The following DCAF8 variants were observed in gnomAD, a reference collection of about 807,000 sequenced individuals.
DCAF8 encodes the protein DDB1- and CUL4-associated factor 8.
A neutral mutation model predicts 68.0 loss-of-function variants in DCAF8; 20 were observed. The observed-to-expected ratio is 0.29, with a 90% CI of 0.21 to 0.43. The LOEUF (loss-of-function observed/expected upper bound fraction) is 0.43, where lower values mean the gene tolerates loss of function less well. Ranked by LOEUF, DCAF8 falls within the 20% of genes least tolerant of loss-of-function variation. The pLI, the probability that DCAF8 is intolerant of heterozygous loss-of-function variation, is 1.00. For missense variants in DCAF8, 460 were observed against 771.0 expected (o/e 0.60, Z 4.78); for synonymous variants, 230 against 276.9 (o/e 0.83, Z 1.68).
chr1:160,259,409 TGTAATCCCAGCTACTCGGGAGGTTGA>T (rs1656967942), intron 2 of DCAF8, among the ~76,000 whole-genome samples: 1 of 152,120 alleles, frequency 6.6e-6, no homozygotes, highest in Non-Finnish European at 1.5e-5. Context: ...GGCGCATGCC[TGTAATCCCAGCTACTCGGGAGGTTGA>T]GGCAGGAGAA....
At chr1:160,231,488 C>T (rs762424411) in intron 6 of DCAF8, 81 bp from the exon 7 acceptor site, 2 of 949,660 alleles carry the variant, frequency 2.1e-6, no homozygotes, top group Non-Finnish European at 3.3e-6. Flanking sequence ...AAGAGAGTCA[C>T]ATGGCTAATA....
intron 2 of DCAF8, among the ~76,000 whole-genome samples, chr1:160,244,806 G>A (rs1656255916): frequency 6.6e-6 from 1 of 151,928 alleles, no homozygotes; most frequent in African/African-American, 2.4e-5. Context: ...GTAGAGATGG[G>A]GTTTCACTGT....
At chr1:160,243,926 T>G (rs1382768629) in intron 3 of DCAF8, 34 bp downstream of exon 3, 2 of 1,611,320 alleles carry the variant, frequency 1.2e-6, no homozygotes, top group Non-Finnish European at 8.5e-7. Context: ...CAGTTGATAG[T>G]AAAAATAGCT....
chr1:160,246,253 G>A (rs1160731023), intron 2 of DCAF8, among the ~76,000 whole-genome samples: 1 of 152,214 alleles, frequency 6.6e-6, no homozygotes, highest in African/African-American at 2.4e-5. Context: ...TTTACCATAC[G>A]TTTCACCCCA....
rs566322894 is a variant in DCAF8 at position 160,244,864 on chromosome 1, C to G, written c.-26-830G>C. Among the ~76,000 whole-genome samples, 7 of 152,296 alleles carry G rather than the reference C, an allele frequency of 4.6e-5. No homozygotes were observed. In the East Asian group the frequency reaches 1.4e-3, roughly 29 times the overall value. Reference sequence around the variant, plus strand: ...TCCCGAGTGATCCGCCCGCCTCGGCCTCCCAAAGTGCTGGGATTACAGGCA... The same window carrying G: ...TCCCGAGTGATCCGCCCGCCTCGGCGTCCCAAAGTGCTGGGATTACAGGCA... On this transcript the variant is annotated intron_variant, in intron 2 of 13. Transcript: ENST00000368074.
At chr1:160,229,551 C>T (rs1655598188) in intron 7 of DCAF8, among the ~76,000 whole-genome samples, 1 of 152,178 alleles carries the variant, frequency 6.6e-6, no homozygotes, top group Non-Finnish European at 1.5e-5. Flanking sequence ...CATTCCCCTC[C>T]AAACATCTTG....
At chr1:160,239,201 C>A in intron 4 of DCAF8, 1 of 1,077,018 alleles carries the variant, frequency 9.3e-7, no homozygotes. Flanking sequence ...AAAATCTTTC[C>A]AGAATAACAA....
intron 7 of DCAF8, among the ~76,000 whole-genome samples, chr1:160,230,894 C>T (rs1029500815): frequency 2.0e-5 from 3 of 151,920 alleles, no homozygotes; most frequent in East Asian, 1.9e-4. Context: ...TGGGACTACA[C>T]GCATGTACCA....
rs200941524 is a variant in DCAF8, at chr1:160,218,897, G to A, written c.1512C>T (p.Ile504=). The change falls in exon 12 of 14, where the codon ATC becomes ATT. Residue 504 remains isoleucine (I), a synonymous_variant. Transcript: ENST00000368074. The part of the protein sequence containing the change: ...ATSGLDHDVK[I]WAPTAEASTE... ...TGGAAGCTTCAGCTGTGGGTGCCCA[G>A]ATCTTCACATCATGGTCTAGGCCAC... 1 of 1,614,118 alleles carries A rather than the reference G, an allele frequency of 6.2e-7. No homozygotes were observed. Among genetic ancestry groups the A allele is most frequent in the Admixed American group, 1.7e-5 (1 of 60,016 alleles).
In DCAF8 at chr1:160,232,236, C is replaced by T. The variant is rs979325537; in HGVS notation, c.960-829G>A. 4.6e-5 allele frequency among the ~76,000 whole-genome samples: 7 copies of T among 151,570 alleles called. No homozygotes were observed. The East Asian group carries it at 1.2e-3, about 25-fold the overall frequency. On this transcript the variant is annotated intron_variant, in intron 6 of 13. Transcript: ENST00000368074. Reference sequence around the variant, plus strand: ...AAAAAAAAAGTCACTTAAAACCCAACTTAAGCCAGGCACTGGCTCATGCCT... The same window carrying T: ...AAAAAAAAAGTCACTTAAAACCCAATTTAAGCCAGGCACTGGCTCATGCCT...
chr1:160,229,058 G>A (rs182627970), intron 7 of DCAF8, among the ~76,000 whole-genome samples: 4 of 152,184 alleles, frequency 2.6e-5, no homozygotes, highest in Admixed American at 6.5e-5. Flanking sequence ...CCAGCACTTT[G>A]AGAGGCCGAG....
chr1:160,248,303 T>C (rs1373970507), intron 2 of DCAF8, among the ~76,000 whole-genome samples: 1 of 146,866 alleles, frequency 6.8e-6, no homozygotes, highest in African/African-American at 2.5e-5. Context: ...AGAGACTCCA[T>C]CTAGAAAAAA....
rs752937031 is a variant in DCAF8 at position 160,218,451 on chromosome 1, A to G, written c.1561-11T>C. 19 of 1,610,558 alleles carry G rather than the reference A, an allele frequency of 1.2e-5. No individual in the cohort carries two copies. The highest frequency in any genetic ancestry group is 1.7e-5 in the Admixed American group (1 of 59,986). The stretch of plus-strand genomic sequence containing the variant: ...GTTCTTCTTAATCACCTGGAACCCA[A>G]AAAGGTTGGGAAGAGGGGGCAGCAA... On this transcript the variant is annotated splice_polypyrimidine_tract_variant and intron_variant, in intron 12 of 13. Transcript: ENST00000368074.
intron 2 of DCAF8, among the ~76,000 whole-genome samples, chr1:160,244,971 C>G (rs1014286961): frequency 6.6e-6 from 1 of 152,212 alleles, no homozygotes; most frequent in Non-Finnish European, 1.5e-5. Flanking sequence ...AACTAGAAAT[C>G]AGGAGCACCC....
chr1:160,252,353 G>A (rs779270753), intron 2 of DCAF8, among the ~76,000 whole-genome samples: 10 of 152,306 alleles, frequency 6.6e-5, no homozygotes, highest in South Asian at 6.2e-4. Flanking sequence ...AGGGAAAAAC[G>A]AAATGCTTCC....
chr1:160,216,615 G>A lies in DCAF8; in HGVS notation c.*977C>T, dbSNP rs1372330697. On this transcript the variant is annotated 3_prime_UTR_variant, in exon 14 of 14. Transcript: ENST00000368074. ...TCCCAATCTCTAGTGACCATACACAGAGGTAAACTGACCCCAGGTGTCACT... is the reference window on the plus strand; with the variant it reads ...TCCCAATCTCTAGTGACCATACACAAAGGTAAACTGACCCCAGGTGTCACT... 3.9e-5 allele frequency: 6 copies of A among 152,642 alleles called. No individual in the cohort carries two copies. Among genetic ancestry groups the A allele is most frequent in the Non-Finnish European group, 8.8e-5 (6 of 68,042 alleles). 9.5% of individuals were successfully genotyped at this position (152,642 alleles called of 1,614,324 possible).
At chr1:160,262,241 G>C (rs938029660) in intron 1 of DCAF8, 35 of 398,330 alleles carry the variant, frequency 8.8e-5, no homozygotes, top group South Asian at 1.4e-4. Flanking sequence ...GGGAAGCGAG[G>C]GGGGGCGCAG....
chr1:160,245,639 G>A (rs1428286805), intron 2 of DCAF8, among the ~76,000 whole-genome samples: 2 of 152,106 alleles, frequency 1.3e-5, no homozygotes, highest in African/African-American at 4.8e-5. Context: ...AAAGACAATG[G>A]CAACAAAAAA....
chr1:160,243,344 A>G (rs566870631), intron 3 of DCAF8, among the ~76,000 whole-genome samples: 44 of 152,214 alleles, frequency 2.9e-4, no homozygotes, highest in African/African-American at 1.1e-3. Context: ...AGGAAAGGAA[A>G]TAAGGAGGGG....
Sources: allele counts gnomAD v4.1 joint callset (sites outside exome capture counted in the v4.1 genomes callset), GRCh38; gene constraint gnomAD v4.1.1; transcripts MANE v1.5; gene names NCBI Gene and HGNC (gene_info 2026-07-23, HGNC 2026-07-21).